Variants in NCOR2 observed in about 807,000 individuals in gnomAD.
NCOR2 encodes CTG repeat protein 26.
A neutral mutation model predicts 262.9 loss-of-function variants in NCOR2; 81 were observed. The ratio of observed to expected loss-of-function variants is 0.31; its 90% CI spans 0.26 to 0.37. The LOEUF is 0.37. Among genes scored for constraint, NCOR2 ranks in the 10% least tolerant of loss-of-function variants. The pLI, the probability that NCOR2 is intolerant of heterozygous loss-of-function variation, is 1.00. For missense variants in NCOR2, 3,385 were observed against 3,621.4 expected (o/e 0.93, Z 1.68); for synonymous variants, 1,659 against 1,559.3 (o/e 1.06, Z -1.51).
intron 1 of NCOR2, among the ~76,000 whole-genome samples, chr12:124,518,935 C>T (rs983763826): frequency 2.0e-5 from 3 of 152,192 alleles, no homozygotes; most frequent in African/African-American, 7.2e-5. Context: ...TCCTCTGTCC[C>T]GAGGGCCAGA....
At chr12:124,496,298 C>T (rs1350334368), upstream of NCOR2, among the ~76,000 whole-genome samples, 2 of 151,786 alleles carry the variant, frequency 1.3e-5, no homozygotes, top group African/African-American at 4.8e-5. This position sits in a 1 kb window ranked among gnomAD's most constrained non-coding sequence, Gnocchi z 4.4. Context: ...GCTGGGCTTA[C>T]AACAGGGTCC....
intron 11 of NCOR2, among the ~76,000 whole-genome samples, chr12:124,424,089 C>G (rs1257038583): frequency 6.6e-6 from 1 of 152,182 alleles, no homozygotes; most frequent in African/African-American, 2.4e-5. Context: ...AGCAGCCCAG[C>G]CTGGGTCCCC....
chr12:124,339,676 A>C, intron 37 of NCOR2, among the ~76,000 whole-genome samples: 1 of 65,936 alleles, frequency 1.5e-5, no homozygotes, highest in Non-Finnish European at 4.0e-5. Context: ...CCACCCACCT[A>C]CCTACCAAAC....
chr12:124,328,343 T>C (rs2034873532), intron 44 of NCOR2, among the ~76,000 whole-genome samples: 1 of 152,046 alleles, frequency 6.6e-6, no homozygotes, highest in Non-Finnish European at 1.5e-5. Flanking sequence ...GCAGTTACGG[T>C]GCGTGCAGGG....
intron 1 of NCOR2, among the ~76,000 whole-genome samples, chr12:124,512,809 C>T (rs1294566472): frequency 6.6e-6 from 1 of 152,190 alleles, no homozygotes; most frequent in East Asian, 1.9e-4. Context: ...GGGTATTGGC[C>T]TCCCTCCAGT....
At chr12:124,332,949 C>CA (rs1319604989) in intron 42 of NCOR2, among the ~76,000 whole-genome samples, 181 bp downstream of exon 44, 1 of 152,154 alleles carries the variant, frequency 6.6e-6, no homozygotes, top group African/African-American at 2.4e-5. Flanking sequence ...GAGGTCTCCC[C>CA]AGGGAGGGTG....
At chr12:124,370,273 G>A (rs186675959) in intron 20 of NCOR2, among the ~76,000 whole-genome samples, 287 of 152,342 alleles carry the variant, frequency 1.9e-3, no homozygotes, top group Non-Finnish European at 2.6e-3. Flanking sequence ...GGGTCAGGCC[G>A]TCCACTTCTC....
At chr12:124,362,349 A>C (rs766871728) in intron 21 of NCOR2, 52 bp from the exon 24 acceptor site, 1 of 1,306,414 alleles carries the variant, frequency 7.7e-7, no homozygotes. Context: ...TGAAAGTGAC[A>C]GGGTCAGGGA....
rs772008643 is a variant in NCOR2, at chr12:124,517,359, C to G, written c.-118+18206G>C. On this transcript the variant is annotated intron_variant, in intron 1 of 46. Transcript: ENST00000404621. The surrounding 1 kb of genome is among the most constrained non-coding windows in gnomAD (Gnocchi z 7.6). ...TCAGGACAAATCACTCCCTCATCCCCCCGGTTTGCAACTAAAGGCTCCTTG... is the reference window on the plus strand; with the variant it reads ...TCAGGACAAATCACTCCCTCATCCCGCCGGTTTGCAACTAAAGGCTCCTTG... Among the ~76,000 whole-genome samples, 14 of 152,222 alleles carry G rather than the reference C, an allele frequency of 9.2e-5. No individual in the cohort carries two copies. The highest frequency in any genetic ancestry group is 2.9e-5 in the Non-Finnish European group (2 of 68,024).
chr12:124,488,002 T>A (rs1450902824), intron 1 of NCOR2, among the ~76,000 whole-genome samples: 1 of 152,034 alleles, frequency 6.6e-6, no homozygotes, highest in Non-Finnish European at 1.5e-5. Context: ...TTTGCGGCAA[T>A]CAGTTAGTGA....
At position 124,355,531 on chromosome 12, in the gene NCOR2, G is replaced by A. The variant is rs564573781; in HGVS notation, c.3282C>T (p.Pro1094=). Residue 1094 remains proline (P), a synonymous_variant, in exon 24 of 47, where the codon CCC becomes CCT. Transcript: ENST00000405201. ...AGATGGTGGGTGGGCGCGGCAGGAC[G>A]GGCCGGGCAGTGTCATGGAGGCCCA... 2.4e-4 allele frequency: 376 copies of A among 1,596,914 alleles called. 1 individual carries two copies. In the South Asian group the frequency reaches 3.8e-3, roughly 16 times the overall value.
intron 24 of NCOR2, 72 bp downstream of exon 26, chr12:124,355,360 T>C: frequency 6.4e-7 from 1 of 1,554,758 alleles, no homozygotes; most frequent in Non-Finnish European, 8.7e-7. Flanking sequence ...CACTCAGACT[T>C]CATTGGTCCC....
chr12:124,388,878 G>T, intron 16 of NCOR2: 1 of 678,400 alleles, frequency 1.5e-6, no homozygotes, highest in Non-Finnish European at 2.0e-6. Context: ...GGGAGGGAGG[G>T]AGGGAGGGAG....
intron 15 of NCOR2, among the ~76,000 whole-genome samples, chr12:124,399,298 G>T (rs1222981706): frequency 6.6e-6 from 1 of 152,164 alleles, no homozygotes; most frequent in Non-Finnish European, 1.5e-5. Context: ...GGGGTGCCAG[G>T]GGTGCTGAGG....
chr12:124,559,049 C>G (rs536313315), intron 1 of NCOR2, among the ~76,000 whole-genome samples: 32 of 152,280 alleles, frequency 2.1e-4, no homozygotes, highest in African/African-American at 7.7e-4. Context: ...AAAAGACTGA[C>G]CCCCAGGAGC....
intron 5 of NCOR2, among the ~76,000 whole-genome samples, chr12:124,459,396 T>C (rs562160863): frequency 6.6e-6 from 1 of 152,226 alleles, no homozygotes; most frequent in Non-Finnish European, 1.5e-5. Context: ...GCTCCCAGTG[T>C]TGGGTTTGTT....
chr12:124,369,308 G>A (rs1028942441), intron 20 of NCOR2, among the ~76,000 whole-genome samples: 7 of 152,216 alleles, frequency 4.6e-5, no homozygotes, highest in Non-Finnish European at 7.3e-5. Flanking sequence ...AAGTGCCAGC[G>A]GGCCGAAGGA....
intron 37 of NCOR2, among the ~76,000 whole-genome samples, chr12:124,337,516 T>C (rs1440089825): frequency 6.6e-6 from 1 of 152,168 alleles, no homozygotes; most frequent in Non-Finnish European, 1.5e-5. Flanking sequence ...CATTAACAGA[T>C]ATCCCAAGCT....
exon 38 of NCOR2, chr12:124,336,762 G>A (rs763480105): frequency 3.1e-6 from 5 of 1,613,176 alleles, no homozygotes; most frequent in Non-Finnish European, 2.5e-6. Flanking sequence ...CCCAGAGAAC[G>A]GAGTTCCAGT....
Sources: gnomAD v4.1 joint callset for allele counts (sites outside exome capture counted in the v4.1 genomes callset) on GRCh38, gnomAD v4.1.1 for gene constraint, Gnocchi (gnomAD v3.1) non-coding constraint, MANE v1.5 for transcripts, NCBI Gene and HGNC (gene_info 2026-07-23, HGNC 2026-07-21) for gene names.